The following LIX1L variants were observed in gnomAD, a reference collection of about 807,000 sequenced individuals.
LIX1L encodes the protein LIX1-like protein.
Under a neutral mutation model 34.0 loss-of-function variants are expected in LIX1L, and 20 were observed. The ratio of observed to expected loss-of-function variants is 0.59; its 90% confidence interval spans 0.41 to 0.85. The LOEUF is 0.85. LIX1L is among the 40% of genes least tolerant of loss of function. The pLI, the probability that LIX1L is intolerant of heterozygous loss-of-function variation, is 0.00. For missense variants in LIX1L, 397 were observed against 447.0 expected (o/e 0.89, Z 1.01); for synonymous variants, 170 against 187.4 (o/e 0.91, Z 0.76).
chr1:145,941,076 T>C (rs2101897030), intron 3 of LIX1L: 1 of 152,220 alleles, frequency 6.6e-6, no homozygotes, highest in East Asian at 1.9e-4. Flanking sequence ...TTTTATTTGG[T>C]TTGGATTAAT....
In LIX1L at chr1:145,945,300, C is replaced by CAA. The variant is rs1176595454; in HGVS notation, c.456+2317_456+2318dup. On this transcript the variant is annotated intron_variant, in intron 2 of 5. Coordinates refer to ENST00000604000, the MANE Select transcript of LIX1L (RefSeq NM_153713.3). Reference sequence around the variant, plus strand: ...TGGGCGACAGAGCAAGACTCTGTCTCAAAAAAAAAAAAAAAAAGTTTAGGC... The same window carrying CAA: ...TGGGCGACAGAGCAAGACTCTGTCTCAAAAAAAAAAAAAAAAAAAGTTTAGGC... Among the ~76,000 whole-genome samples, 440 of 121,464 alleles carry CAA rather than the reference C, an allele frequency of 3.6e-3. 1 individual carries two copies. Among genetic ancestry groups the CAA allele is most frequent in the East Asian group, 9.8e-3 (40 of 4,072 alleles). The allele number at this position is 121,464 out of a possible 152,430, so 79.7% of individuals were successfully genotyped here.
Position 145,937,591 on chromosome 1 carries a change from C to T in LIX1L, c.693+13G>A. On this transcript the variant is annotated intron_variant, in intron 4 of 5. Transcript: ENST00000604000. Reference sequence around the variant, plus strand: ...CCATGTTATTAGAACCAGGGAAGTACATGGGAAAGTACCTGGAACTCCAAC... The same window carrying T: ...CCATGTTATTAGAACCAGGGAAGTATATGGGAAAGTACCTGGAACTCCAAC... The T allele has an allele frequency of 1.3e-6, 2 of 1,569,530 alleles. No homozygotes were observed. Among genetic ancestry groups the T allele is most frequent in the East Asian group, 2.2e-5 (1 of 44,664 alleles).
chr1:145,941,553 T>G (rs1254336541), intron 3 of LIX1L, among the ~76,000 whole-genome samples: 1 of 151,978 alleles, frequency 6.6e-6, no homozygotes, highest in Non-Finnish European at 1.5e-5. Flanking sequence ...GCACCTGGCC[T>G]GTAATTACAT....
At chr1:145,953,858 A>G (rs1649380515) in intron 1 of LIX1L, among the ~76,000 whole-genome samples, 1 of 152,142 alleles carries the variant, frequency 6.6e-6, no homozygotes, top group Admixed American at 6.5e-5. Context: ...GTTCAAGATC[A>G]GCCTGGGCAA....
intron 1 of LIX1L, among the ~76,000 whole-genome samples, chr1:145,950,845 T>C (rs1570971358): frequency 6.6e-6 from 1 of 152,178 alleles, no homozygotes; most frequent in Non-Finnish European, 1.5e-5. Context: ...ATGTGCGACT[T>C]TGTGGTGCAA....
At chr1:145,943,766 T>C (rs1649005346) in intron 2 of LIX1L, among the ~76,000 whole-genome samples, 1 of 151,990 alleles carries the variant, frequency 6.6e-6, no homozygotes, top group Admixed American at 6.6e-5. Flanking sequence ...CCGGGCTTGG[T>C]GGCTCACACC....
intron 2 of LIX1L, among the ~76,000 whole-genome samples, chr1:145,945,398 T>C (rs1388619779): frequency 4.6e-5 from 7 of 151,954 alleles, no homozygotes; most frequent in African/African-American, 7.2e-5. Flanking sequence ...GTTTCAGTTA[T>C]GGGCATTGTC....
intron 3 of LIX1L, among the ~76,000 whole-genome samples, chr1:145,940,821 GA>G (rs587723711): frequency 1.2e-3 from 182 of 151,602 alleles, no homozygotes; most frequent in African/African-American, 4.2e-3. Flanking sequence ...AAAGTGCTGG[GA>G]TTACAGGCAT....
Position 145,936,253 on chromosome 1 carries a change from AGAAAG to A in LIX1L, c.*52_*56del, listed in dbSNP as rs1553757772. 6.3e-7 allele frequency: 1 copy of A among 1,576,638 alleles called. No individual in the cohort carries two copies. Among genetic ancestry groups the A allele is most frequent in the Non-Finnish European group, 8.6e-7 (1 of 1,160,100 alleles). ...TGTACAAAAAATCATCCTAAATCTT[AGAAAG>A]GAGACATAAAAAAAGGCTGTGGAAA... On this transcript the variant is annotated 3_prime_UTR_variant, in exon 6 of 6. Transcript: ENST00000604000.
intron 3 of LIX1L, among the ~76,000 whole-genome samples, chr1:145,940,274 G>A (rs1553758433): frequency 6.6e-6 from 1 of 151,700 alleles, no homozygotes; most frequent in Non-Finnish European, 1.5e-5. Context: ...AATGAATTTA[G>A]AGCCCATGAT....
At chr1:145,949,827 T>G (rs1181952694) in intron 1 of LIX1L, among the ~76,000 whole-genome samples, 1 of 151,884 alleles carries the variant, frequency 6.6e-6, no homozygotes, top group African/African-American at 2.4e-5. Context: ...CCTTTTTTTT[T>G]TTTTTTTGAG....
intron 1 of LIX1L, among the ~76,000 whole-genome samples, chr1:145,949,990 A>C (rs1649234716): frequency 6.6e-6 from 1 of 151,562 alleles, no homozygotes; most frequent in Non-Finnish European, 1.5e-5. Flanking sequence ...TAATTTTTGT[A>C]ATTTTTGTAG....
At chr1:145,937,917 C>G (rs1056410984) in intron 3 of LIX1L, among the ~76,000 whole-genome samples, 8 of 152,062 alleles carry the variant, frequency 5.3e-5, no homozygotes, top group Admixed American at 4.6e-4. Context: ...CACTTGAGGT[C>G]AGGAGTTTGA....
chr1:145,947,431 AGG>A, intron 2 of LIX1L, 186 bp downstream of exon 2: 1 of 602,634 alleles, frequency 1.7e-6, no homozygotes, highest in East Asian at 2.7e-5. Flanking sequence ...AGTTTTTGAA[AGG>A]AAAGCATGCT....
chr1:145,936,967 G>C lies in LIX1L; in HGVS notation c.712C>G (p.Gln238Glu). The change falls in exon 5 of 6, where the codon CAA (glutamine) becomes GAA (glutamate). Residue 238 changes from glutamine to glutamate, a missense_variant. Coordinates refer to ENST00000604000, the MANE Select transcript of LIX1L (RefSeq NM_153713.3). Reference sequence around the variant, plus strand: ...AGGCTGCCATTCCAGTGTAGCAGTTGAAAAACTGTCATTAGCTCCTGGGGG... The same window carrying C: ...AGGCTGCCATTCCAGTGTAGCAGTTCAAAAACTGTCATTAGCTCCTGGGGG... ...LEFQELMTVF[Q>E]LLHWNGSLKA... is the part of the protein sequence containing the mutation. 1 of 1,612,604 alleles carries C rather than the reference G, an allele frequency of 6.2e-7. No individual in the cohort carries two copies. Among genetic ancestry groups the C allele is most frequent in the South Asian group, 1.1e-5 (1 of 91,042 alleles).
rs587726831 is a variant in LIX1L at position 145,947,324 on chromosome 1, A to G, written c.456+295T>C. 2.3e-4 allele frequency: 78 copies of G among 334,204 alleles called. No homozygotes were observed. The East Asian group carries it at 3.4e-3, about 14-fold the overall frequency. 20.7% of individuals were successfully genotyped at this position (334,204 alleles called of 1,614,324 possible). A position where few individuals can be genotyped will look rare whatever the true frequency, so the allele number is the denominator to read the frequency against. On this transcript the variant is annotated intron_variant, in intron 2 of 5. Transcript: ENST00000604000. ...AAGAGATGGAAGAAAGTTGGAATGC[A>G]ATAACTGAAGCCAGATTGGAACATG...
chr1:145,942,592 CAG>C lies in LIX1L; in HGVS notation c.597+119_597+120del. 2.3e-6 allele frequency: 2 copies of C among 887,000 alleles called. 1 individual carries two copies. The highest frequency in any genetic ancestry group is 3.1e-5 in the South Asian group (2 of 64,364). 54.9% of individuals were successfully genotyped at this position (887,000 alleles called of 1,614,324 possible). ...ACTGACAGAGAATAAATCAAAAGAA[CAG>C]AGAGGTGGACCAGAAAGAAAACAAG... On this transcript the variant is annotated intron_variant, in intron 3 of 5. Transcript: ENST00000604000.
Position 145,942,727 on chromosome 1 carries a change from G to C in LIX1L, c.583C>G (p.Leu195Val). The C allele has an allele frequency of 6.2e-7, 1 of 1,614,050 alleles. No individual in the cohort carries two copies. The highest frequency in any genetic ancestry group is 8.5e-7 in the Non-Finnish European group (1 of 1,179,988). ...EFIEKSVSEA[L>V]ASFNGNREEA... ...ATACAACTTACATTAAAAGATGCCAGGGCCTCAGAGACACTCTTCTCGATG... is the reference window on the plus strand; with the variant it reads ...ATACAACTTACATTAAAAGATGCCACGGCCTCAGAGACACTCTTCTCGATG... Residue 195 changes from leucine (L) to valine (V), a missense_variant, in exon 3 of 6, where the codon CTG (leucine) becomes GTG (valine). Physicochemically the swap from Leu to Val is conservative, Grantham distance 32. Around this residue, in one of 3 missense-constraint regions of LIX1L, gnomAD observed 174 missense variants for 204.0 expected, o/e 0.85. Transcript: ENST00000604000.
chr1:145,936,088 T>C lies in LIX1L; in HGVS notation c.*222A>G. On this transcript the variant is annotated 3_prime_UTR_variant, in exon 6 of 6. Transcript: ENST00000604000. ...AGCTGCAAAGACAAGCTGCTCTTTG[T>C]TGTAAAGTGGACTGAAGATGTTTCA... is the stretch of plus-strand genomic sequence containing the variant. The C allele has an allele frequency of 1.9e-6, 1 of 534,390 alleles. No individual in the cohort carries two copies. Among genetic ancestry groups the C allele is most frequent in the East Asian group, 3.4e-5 (1 of 29,280 alleles). The allele number at this position is 534,390 out of a possible 1,614,324, so 33.1% of individuals were successfully genotyped here.
Sources: allele counts gnomAD v4.1 joint callset (sites outside exome capture counted in the v4.1 genomes callset), GRCh38; gene constraint gnomAD v4.1.1; regional missense constraint gnomAD v4.1.1; transcripts MANE v1.5; gene names NCBI Gene and HGNC (gene_info 2026-07-23, HGNC 2026-07-21).